Variants in USP8 observed in about 807,000 individuals in gnomAD.
USP8 encodes ubiquitin specific peptidase 8.
USP8 carries 27 observed loss-of-function variants against 130.0 expected under a neutral mutation model. That is an observed-to-expected ratio of 0.21 (90% CI 0.15 to 0.29). The LOEUF is 0.29. USP8 is among the 10% of genes least tolerant of loss of function. The pLI, the probability that USP8 is intolerant of heterozygous loss-of-function variation, is 1.00. For synonymous variants in USP8, 392 were observed against 444.1 expected (o/e 0.88, Z 1.48); for missense variants, 1,029 against 1,312.2 (o/e 0.78, Z 3.33).
At chr15:50,428,052 C>G (rs2049803205) in intron 1 of USP8, among the ~76,000 whole-genome samples, 1 of 151,916 alleles carries the variant, frequency 6.6e-6, no homozygotes, top group Admixed American at 6.6e-5. Context: ...TAAAACAGTT[C>G]TCATGTATAG....
intron 14 of USP8, among the ~76,000 whole-genome samples, chr15:50,490,936 G>A (rs758534634): frequency 2.0e-5 from 3 of 152,106 alleles, no homozygotes; most frequent in Admixed American, 6.6e-5. Context: ...TAATGTAAGC[G>A]AAGTTTTCCT....
rs2052529137 is a variant in USP8, at chr15:50,499,292, C to T, written c.*204C>T. 2 of 407,354 alleles carry T rather than the reference C, an allele frequency of 4.9e-6. No individual in the cohort carries two copies. The highest frequency in any genetic ancestry group is 8.3e-6 in the Non-Finnish European group (2 of 241,318). 25.2% of individuals were successfully genotyped at this position (407,354 alleles called of 1,614,324 possible). The stretch of plus-strand genomic sequence containing the variant: ...TTGCAGTAATCATCACTTACAGGTA[C>T]CATTTATTTCAAAACAACTTTTTTA... On this transcript the variant is annotated 3_prime_UTR_variant, in exon 20 of 20. Coordinates refer to ENST00000307179, the MANE Select transcript of USP8 (RefSeq NM_005154.5).
At chr15:50,477,577 C>T (rs1282593565) in intron 10 of USP8, 78 bp downstream of exon 10, 16 of 1,321,746 alleles carry the variant, frequency 1.2e-5, no homozygotes, top group East Asian at 7.4e-5. Flanking sequence ...CAGTGCCTCA[C>T]GCCTGTAATC....
chr15:50,428,106 T>C (rs1288339462), intron 1 of USP8, among the ~76,000 whole-genome samples: 1 of 152,122 alleles, frequency 6.6e-6, no homozygotes, highest in Non-Finnish European at 1.5e-5. Context: ...ACTAACACAT[T>C]ACAATTTAGT....
chr15:50,499,213 G>T lies in USP8; in HGVS notation c.*125G>T. The T allele has an allele frequency of 1.1e-6, 1 of 884,740 alleles. No homozygotes were observed. 54.8% of individuals were successfully genotyped at this position (884,740 alleles called of 1,614,324 possible). The stretch of plus-strand genomic sequence containing the variant: ...GGAATTCTAGGACAGTGGGAGCTGT[G>T]TTACTAGCACTATATAATTCCGGTC... On this transcript the variant is annotated 3_prime_UTR_variant, in exon 20 of 20. Coordinates refer to ENST00000307179, the MANE Select transcript of USP8 (RefSeq NM_005154.5).
intron 3 of USP8, among the ~76,000 whole-genome samples, chr15:50,446,840 C>T (rs2050459041): frequency 1.3e-5 from 2 of 152,238 alleles, no homozygotes; most frequent in Admixed American, 6.5e-5. Flanking sequence ...ATCATGGCTC[C>T]CTAAAGCCTT....
At chr15:50,433,430 A>G (rs1208087284) in intron 1 of USP8, among the ~76,000 whole-genome samples, 1 of 152,046 alleles carries the variant, frequency 6.6e-6, no homozygotes, top group Non-Finnish European at 1.5e-5. Context: ...AATATTGCCA[A>G]AGACCTTAGG....
intron 1 of USP8, among the ~76,000 whole-genome samples, chr15:50,436,358 A>C (rs554135934): frequency 6.6e-6 from 1 of 151,844 alleles, no homozygotes; most frequent in African/African-American, 2.4e-5. Context: ...GACTTCCAAG[A>C]TCCTTCTAGT....
chr15:50,451,624 G>C (rs1381590096), intron 4 of USP8, among the ~76,000 whole-genome samples: 1 of 152,118 alleles, frequency 6.6e-6, no homozygotes, highest in Admixed American at 6.6e-5. Context: ...GCTAGATGTG[G>C]AGAACCTTTT....
chr15:50,449,600 CAGAGTCTCGCGCTG>C, intron 4 of USP8, 115 bp downstream of exon 4: 1 of 696,850 alleles, frequency 1.4e-6, no homozygotes, highest in Non-Finnish European at 2.1e-6. Context: ...TTTTTTGAGA[CAGAGTCTCGCGCTG>C]TCTGTCGCCC....
chr15:50,503,782 C>T lies in USP8; in HGVS notation c.*4694C>T, dbSNP rs1310984859. 1 of 152,142 alleles carries T rather than the reference C, an allele frequency of 6.6e-6. No homozygotes were observed. The highest frequency in any genetic ancestry group is 1.9e-4 in the East Asian group (1 of 5,198). 9.4% of individuals were successfully genotyped at this position (152,142 alleles called of 1,614,324 possible). On this transcript the variant is annotated 3_prime_UTR_variant, in exon 20 of 20. Coordinates refer to ENST00000307179, the MANE Select transcript of USP8 (RefSeq NM_005154.5). ...CTAGATTGTTGCATGTTAACTCAGA[C>T]CTAACAGGATATCCACATATGAAAC...
intron 10 of USP8, among the ~76,000 whole-genome samples, chr15:50,480,672 A>T (rs3098173): frequency 0.018 from 2,746 of 152,282 alleles, 37 homozygotes; most frequent in South Asian, 0.039. Context: ...ATACACAGCC[A>T]TATGACTGGA....
rs1343518027 is a variant in USP8, at chr15:50,510,069, A to T, written c.*10981A>T. On this transcript the variant is annotated 3_prime_UTR_variant, in exon 20 of 20. Coordinates refer to ENST00000307179, the MANE Select transcript of USP8 (RefSeq NM_005154.5). ...ATTAATTTAATAAATTTAATATTTTATAGCTATAATTAATACAGTACGGAA... is the reference window on the plus strand; with the variant it reads ...ATTAATTTAATAAATTTAATATTTTTTAGCTATAATTAATACAGTACGGAA... 1 of 152,118 alleles carries T rather than the reference A, an allele frequency of 6.6e-6. No individual in the cohort carries two copies. Among genetic ancestry groups the T allele is most frequent in the Non-Finnish European group, 1.5e-5 (1 of 68,002 alleles). 9.4% of individuals were successfully genotyped at this position (152,118 alleles called of 1,614,324 possible).
At chr15:50,487,116 T>A (rs2051990289) in intron 12 of USP8, among the ~76,000 whole-genome samples, 1 of 149,672 alleles carries the variant, frequency 6.7e-6, no homozygotes, top group African/African-American at 2.5e-5. Context: ...AGAGCAAGAC[T>A]CCATCTGGGG....
At position 50,490,253 on chromosome 15, in the gene USP8, T is replaced by G; in HGVS notation, c.1972-10T>G. ...TTTTGACCTGTTTTTTTTTTTCTTT[T>G]CCATCTAAGTTTCTTGACCCAATCA... On this transcript the variant is annotated splice_polypyrimidine_tract_variant and intron_variant, in intron 13 of 19. Coordinates refer to ENST00000307179, the MANE Select transcript of USP8 (RefSeq NM_005154.5). The G allele has an allele frequency of 6.3e-7, 1 of 1,581,172 alleles. No homozygotes were observed. The highest frequency in any genetic ancestry group is 1.4e-5 in the African/African-American group (1 of 72,768).
At chr15:50,495,340 A>G (rs1566891611) in intron 16 of USP8, among the ~76,000 whole-genome samples, 1 of 85,416 alleles carries the variant, frequency 1.2e-5, no homozygotes. Flanking sequence ...ATATATATAC[A>G]CATACATATA....
intron 7 of USP8, among the ~76,000 whole-genome samples, chr15:50,466,225 A>G (rs2051184092): frequency 6.6e-6 from 1 of 152,186 alleles, no homozygotes; most frequent in Admixed American, 6.5e-5. Context: ...TAAAATCTGT[A>G]TAGTTCTTGG....
chr15:50,449,683 G>T (rs1051870743), intron 4 of USP8, among the ~76,000 whole-genome samples, 198 bp downstream of exon 4: 1 of 151,724 alleles, frequency 6.6e-6, no homozygotes, highest in East Asian at 1.9e-4. Flanking sequence ...CTGGGTTCAC[G>T]CCATTCTCCT....
chr15:50,496,824 A>G (rs1037191426), intron 17 of USP8: 6 of 299,628 alleles, frequency 2.0e-5, no homozygotes, highest in Admixed American at 5.1e-5. Flanking sequence ...ATTTCCTCCA[A>G]CAGGGTTTCT....
Sources: gnomAD v4.1 joint callset for allele counts (sites outside exome capture counted in the v4.1 genomes callset) on GRCh38, gnomAD v4.1.1 for gene constraint, MANE v1.5 for transcripts, NCBI Gene and HGNC (gene_info 2026-07-23, HGNC 2026-07-21) for gene names.